The following ESR2 variants were observed in gnomAD, a reference collection of about 807,000 sequenced individuals.
ESR2 encodes estrogen receptor 2.
ESR2 carries 36 observed loss-of-function variants against 49.6 expected under a neutral mutation model. The observed-to-expected ratio is 0.73, with a 90% CI of 0.56 to 0.96. The LOEUF (loss-of-function observed/expected upper bound fraction) is 0.96. Ranked by LOEUF, ESR2 falls within the 40% of genes least tolerant of loss-of-function variation. The pLI is 0.00. For synonymous variants in ESR2, 320 were observed against 266.1 expected (o/e 1.20, Z -1.97); for missense variants, 714 against 693.0 (o/e 1.03, Z -0.34).
intron 1 of ESR2, among the ~76,000 whole-genome samples, chr14:64,318,968 G>A (rs1465499937): frequency 6.6e-6 from 1 of 152,044 alleles, no homozygotes; most frequent in Non-Finnish European, 1.5e-5. Flanking sequence ...TTGAGCCCAG[G>A]AGGTCAAGGC....
At chr14:64,332,925 G>T (rs1312573726) in intron 1 of ESR2, among the ~76,000 whole-genome samples, 1 of 148,250 alleles carries the variant, frequency 6.7e-6, no homozygotes, top group East Asian at 2.0e-4. Flanking sequence ...AGGCTGGAGG[G>T]TAGGGCAGTG....
At chr14:64,247,392 C>T (rs541652609) in intron 7 of ESR2, among the ~76,000 whole-genome samples, 3 of 152,076 alleles carry the variant, frequency 2.0e-5, no homozygotes, top group African/African-American at 7.2e-5. Context: ...AGAGAAGACA[C>T]GTATGAAGGT....
rs571074455 is a variant in ESR2, at chr14:64,323,918, C to G, written c.-91+13980G>C. 3.9e-5 allele frequency among the ~76,000 whole-genome samples: 6 copies of G among 152,268 alleles called. No homozygotes were observed. The East Asian group carries it at 1.2e-3, about 29-fold the overall frequency. On this transcript the variant is annotated intron_variant, in intron 1 of 8. Transcript: ENST00000358599. ...TGTTGGCCAGGCTGGTCTTGAACTCCCGACCTCAGGTGATCAGCCCACCTC... is the reference window on the plus strand; with the variant it reads ...TGTTGGCCAGGCTGGTCTTGAACTCGCGACCTCAGGTGATCAGCCCACCTC...
intron 7 of ESR2, among the ~76,000 whole-genome samples, chr14:64,241,145 C>CAAAAAAAAAAAAAAAAAA (rs56347632): frequency 3.1e-5 from 3 of 95,404 alleles, no homozygotes; most frequent in African/African-American, 8.0e-5. Context: ...GACTCCGTCT[C>CAAAAAAAAAAAAAAAAAA]AAAAAAAAAA....
intron 1 of ESR2, among the ~76,000 whole-genome samples, chr14:64,328,051 C>CAAAAAAAA (rs748229456): frequency 5.7e-5 from 5 of 87,142 alleles, no homozygotes; most frequent in African/African-American, 1.6e-4. Flanking sequence ...ACTAAAAATA[C>CAAAAAAAA]AAAAAAAAAA....
chr14:64,302,368 T>C (rs941262369), intron 1 of ESR2, among the ~76,000 whole-genome samples: 1 of 151,602 alleles, frequency 6.6e-6, no homozygotes, highest in Non-Finnish European at 1.5e-5. Context: ...TTTGTATTTT[T>C]AGTAGAGATG....
intron 6 of ESR2, among the ~76,000 whole-genome samples, chr14:64,250,023 A>G (rs2075957915): frequency 6.6e-6 from 1 of 152,240 alleles, no homozygotes; most frequent in South Asian, 2.1e-4. Flanking sequence ...TTCAATCAAA[A>G]CCATATCAGT....
intron 8 of ESR2, chr14:64,233,969 C>T (rs935433158): frequency 6.6e-6 from 1 of 152,402 alleles, no homozygotes; most frequent in Admixed American, 6.5e-5. Context: ...AAGTAAAGGA[C>T]ACTTGTTGAC....
intron 3 of ESR2, among the ~76,000 whole-genome samples, chr14:64,276,812 G>A (rs535636006): frequency 4.1e-4 from 62 of 152,190 alleles, no homozygotes; most frequent in Admixed American, 3.3e-3. Flanking sequence ...ATGCTTATAC[G>A]ACAATATTAA....
intron 5 of ESR2, 83 bp downstream of exon 5, chr14:64,260,366 T>A: frequency 7.6e-7 from 1 of 1,323,102 alleles, no homozygotes; most frequent in South Asian, 1.3e-5. Flanking sequence ...CTCATGGACC[T>A]CTACTTTGTA....
At chr14:64,289,689 T>G (rs1366428818) in intron 1 of ESR2, among the ~76,000 whole-genome samples, 1 of 140,784 alleles carries the variant, frequency 7.1e-6, no homozygotes, top group Non-Finnish European at 1.5e-5. Flanking sequence ...GATTTTTGCC[T>G]CCTAATTTTA....
In ESR2 at chr14:64,271,310, C is replaced by T. The variant is rs6573550; in HGVS notation, c.536-2399G>A. ...CAACCAACCTGCTACTTTATCCCCA[C>T]AAGTTCAATTGTTTTCTTTCTTTTT... is the stretch of plus-strand genomic sequence containing the variant. On this transcript the variant is annotated intron_variant, in intron 3 of 8. Coordinates refer to ENST00000341099, the MANE Select transcript of ESR2 (RefSeq NM_001437.3). Among the ~76,000 whole-genome samples, 9 of 137,622 alleles carry T rather than the reference C, an allele frequency of 6.5e-5. No individual in the cohort carries two copies. The South Asian group carries it at 9.5e-4, about 14-fold the overall frequency. 90.3% of individuals were successfully genotyped at this position (137,622 alleles called of 152,430 possible).
chr14:64,292,439 A>T (rs2076888104), intron 1 of ESR2, among the ~76,000 whole-genome samples: 1 of 152,196 alleles, frequency 6.6e-6, no homozygotes, highest in Admixed American at 6.5e-5. Flanking sequence ...GTACATTTAC[A>T]GAGGCTAAAT....
In ESR2 at chr14:64,230,549, G is replaced by A. The variant is rs1402669899; in HGVS notation, c.*2588C>T. ...ATTTTGCACTATTTTTAATGCAGTT[G>A]AGTCTTCAGATTTGTGACTAGGCTG... On this transcript the variant is annotated 3_prime_UTR_variant, in exon 9 of 9. Transcript: ENST00000341099. 6.6e-6 allele frequency among the ~76,000 whole-genome samples: 1 copy of A among 152,044 alleles called. No individual in the cohort carries two copies. Among genetic ancestry groups the A allele is most frequent in the East Asian group, 1.9e-4 (1 of 5,192 alleles).
chr14:64,279,331 C>G (rs573608133), intron 3 of ESR2, among the ~76,000 whole-genome samples: 9 of 152,156 alleles, frequency 5.9e-5, no homozygotes, highest in Non-Finnish European at 1.3e-4. Flanking sequence ...ATATTTGGCT[C>G]AGAATAAATC....
intron 1 of ESR2, among the ~76,000 whole-genome samples, chr14:64,305,858 G>A (rs79051641): frequency 0.01 from 1,556 of 152,202 alleles, 34 homozygotes; most frequent in African/African-American, 0.036. Context: ...CAGCTTCTGT[G>A]CATAGCAATT....
chr14:64,261,689 G>A (rs993749631), intron 4 of ESR2, among the ~76,000 whole-genome samples: 1 of 152,166 alleles, frequency 6.6e-6, no homozygotes, highest in South Asian at 2.1e-4. Flanking sequence ...AAAGTGCTGG[G>A]ATTACAGGCG....
intron 6 of ESR2, 83 bp downstream of exon 6, chr14:64,257,143 T>C (rs1029397745): frequency 3.1e-6 from 4 of 1,304,298 alleles, no homozygotes; most frequent in Admixed American, 1.8e-5. Flanking sequence ...AGATTTTAAT[T>C]GCAGCACCCA....
rs762454979 is a variant in ESR2, at chr14:64,257,324, CA to C, written c.992del (p.Leu331TrpfsTer9). 1.9e-6 allele frequency: 3 copies of C among 1,613,636 alleles called. No individual in the cohort carries two copies. Among genetic ancestry groups the C allele is most frequent in the African/African-American group, 2.7e-5 (2 of 74,902 alleles). On this transcript the variant is annotated frameshift_variant, in exon 6 of 9. Transcript: ENST00000341099. LOFTEE classifies it high-confidence loss of function. ...ELSLFDQVRL[L>X]ESCWMEVLMM... is the part of the protein sequence containing the mutation. ...TTAACACCTCCATCCAACAGCTCTC[CA>C]AGAGCCGCACTTGGTCGAACAGGCT...
Sources: gnomAD v4.1 joint callset for allele counts (sites outside exome capture counted in the v4.1 genomes callset) on GRCh38, gnomAD v4.1.1 for gene constraint, MANE v1.5 for transcripts, NCBI Gene and HGNC (gene_info 2026-07-23, HGNC 2026-07-21) for gene names.